The following GABBR2 variants were observed in gnomAD, a reference collection of about 807,000 sequenced individuals.
The protein encoded by GABBR2 is gamma-aminobutyric acid type B receptor subunit 2.
Under a neutral mutation model 105.6 loss-of-function variants are expected in GABBR2, and 23 were observed. That is an observed-to-expected ratio of 0.22 (90% CI 0.16 to 0.31). GABBR2 has a LOEUF of 0.31. GABBR2 is among the 10% of genes least tolerant of loss of function. The pLI, the probability that GABBR2 is intolerant of heterozygous loss-of-function variation, is 1.00. For synonymous variants in GABBR2, 478 were observed against 499.7 expected (o/e 0.96, Z 0.58); for missense variants, 734 against 1,245.5 (o/e 0.59, Z 6.18).
chr9:98,335,664 TCAACAACAACAA>T (rs3837262), intron 13 of GABBR2, among the ~76,000 whole-genome samples: 17 of 151,448 alleles, frequency 1.1e-4, no homozygotes, highest in Non-Finnish European at 2.2e-4. Context: ...TTGAAATCAT[TCAACAACAACAA>T]CAACAACAAC....
chr9:98,667,765 C>T (rs1285552257), intron 1 of GABBR2, among the ~76,000 whole-genome samples: 1 of 152,166 alleles, frequency 6.6e-6, no homozygotes, highest in Non-Finnish European at 1.5e-5. Context: ...GCCAGTTTCC[C>T]GAGAAATCTG....
At chr9:98,685,617 C>A (rs1229570116) in intron 1 of GABBR2, among the ~76,000 whole-genome samples, 2 of 152,208 alleles carry the variant, frequency 1.3e-5, no homozygotes, top group Non-Finnish European at 2.9e-5. Flanking sequence ...ATGGGCAGGT[C>A]TTCTGTTTCT....
chr9:98,422,757 C>T (rs1462706580), intron 7 of GABBR2, among the ~76,000 whole-genome samples: 2 of 134,628 alleles, frequency 1.5e-5, no homozygotes, highest in Non-Finnish European at 1.6e-5. Context: ...GCTATCCCTC[C>T]CCCCTCCCCC....
At chr9:98,455,563 G>C (rs373844453) in intron 6 of GABBR2, among the ~76,000 whole-genome samples, 111 of 152,328 alleles carry the variant, frequency 7.3e-4, no homozygotes, top group African/African-American at 2.5e-3. Context: ...TGTGTGTGTG[G>C]TGGAGGGAGG....
intron 1 of GABBR2, among the ~76,000 whole-genome samples, chr9:98,677,542 T>C (rs1830491866): frequency 6.6e-6 from 1 of 152,214 alleles, no homozygotes. Flanking sequence ...CAAAAAACTT[T>C]TGAGAAATGA....
chr9:98,628,777 A>G (rs1829779014), intron 1 of GABBR2, among the ~76,000 whole-genome samples: 1 of 152,082 alleles, frequency 6.6e-6, no homozygotes, highest in Admixed American at 6.5e-5. Context: ...GGTTTGCTAT[A>G]TGATGGAGTG....
Position 98,290,604 on chromosome 9 carries a change from C to A in GABBR2, c.2806G>T (p.Val936Phe). The part of the protein sequence containing the change: ...RHRHVPPSFR[V>F]MVSGL ...CACCCTTACAGGCCCGAGACCATGA[C>A]TCGGAAGGAGGGTGGCACATGTCTG... Residue 936 changes from valine (V) to phenylalanine (F), a missense_variant, in exon 19 of 19, where the codon GTC becomes TTC. This residue lies in a region of GABBR2 where 134 missense variants were observed against 171.2 expected (regional missense o/e 0.78). Coordinates refer to ENST00000259455, the MANE Select transcript of GABBR2 (RefSeq NM_005458.8). 1 of 1,411,512 alleles carries A rather than the reference C, an allele frequency of 7.1e-7. No individual in the cohort carries two copies. The highest frequency in any genetic ancestry group is 9.2e-7 in the Non-Finnish European group (1 of 1,082,912). 87.4% of individuals were successfully genotyped at this position (1,411,512 alleles called of 1,614,324 possible). A position where few individuals can be genotyped will look rare whatever the true frequency, so the allele number is the denominator to read the frequency against.
At chr9:98,465,461 T>C (rs918497944) in intron 6 of GABBR2, among the ~76,000 whole-genome samples, 1 of 152,228 alleles carries the variant, frequency 6.6e-6, no homozygotes, top group African/African-American at 2.4e-5. Flanking sequence ...TAGGAAAATA[T>C]CTTCATAGCC....
intron 1 of GABBR2, among the ~76,000 whole-genome samples, chr9:98,705,040 C>T (rs1364770176): frequency 6.6e-6 from 1 of 152,080 alleles, no homozygotes; most frequent in Non-Finnish European, 1.5e-5. Flanking sequence ...CCTTGACTGC[C>T]AGGAAGCTCA....
intron 11 of GABBR2, among the ~76,000 whole-genome samples, chr9:98,373,362 T>C (rs1380470374): frequency 1.3e-5 from 2 of 152,170 alleles, no homozygotes; most frequent in Non-Finnish European, 2.9e-5. Flanking sequence ...AGTGAGGAAC[T>C]CCCTTAACAG....
At chr9:98,364,496 G>T (rs1039226633) in intron 12 of GABBR2, among the ~76,000 whole-genome samples, 3 of 152,138 alleles carry the variant, frequency 2.0e-5, no homozygotes, top group Non-Finnish European at 2.9e-5. Context: ...CCCTGCAAGG[G>T]GCATAGATGG....
chr9:98,693,184 G>A (rs1830706833), intron 1 of GABBR2, among the ~76,000 whole-genome samples: 2 of 152,218 alleles, frequency 1.3e-5, no homozygotes, highest in South Asian at 4.1e-4. Context: ...AGAAGCCTGA[G>A]GTCTCCTCTG....
At chr9:98,394,091 G>A (rs1217144204) in intron 9 of GABBR2, 84 bp downstream of exon 9, 3 of 960,484 alleles carry the variant, frequency 3.1e-6, no homozygotes, top group Non-Finnish European at 5.0e-6. Context: ...CAAGGATGCT[G>A]AGCTTGTCCC....
At chr9:98,656,987 T>C (rs2131849909) in intron 1 of GABBR2, among the ~76,000 whole-genome samples, 1 of 152,360 alleles carries the variant, frequency 6.6e-6, no homozygotes, top group South Asian at 2.1e-4. Flanking sequence ...AACCTTGAAA[T>C]ATGTTTTATT....
intron 2 of GABBR2, among the ~76,000 whole-genome samples, chr9:98,542,706 A>G (rs1178091899): frequency 6.6e-6 from 1 of 152,238 alleles, no homozygotes; most frequent in African/African-American, 2.4e-5. Context: ...GTAGCCAGGA[A>G]TGATTAGAGG....
At chr9:98,515,197 C>T (rs1050133432) in intron 3 of GABBR2, among the ~76,000 whole-genome samples, 1 of 152,182 alleles carries the variant, frequency 6.6e-6, no homozygotes, top group African/African-American at 2.4e-5. Flanking sequence ...GAGACTGCTG[C>T]ATCTCCAAGG....
In GABBR2 at chr9:98,293,816, CT is replaced by C; in HGVS notation, c.2628del (p.Asp877IlefsTer3). The C allele has an allele frequency of 6.2e-7, 1 of 1,603,736 alleles. No individual in the cohort carries two copies. The highest frequency in any genetic ancestry group is 8.5e-7 in the Non-Finnish European group (1 of 1,170,946). On this transcript the variant is annotated frameshift_variant, in exon 18 of 19. Transcript: ENST00000259455. LOFTEE classifies it high-confidence loss of function. Reference protein sequence around the residue: ...WNTTEPSRTCKDPIEDINSPE... With the variant: ...WNTTEPSRTCXDPIEDINSPE... ...GGAGAGTTTATATCTTCTATAGGAT[CT>C]TTGCATGTTCGAGAGGGCTCTGTTG...
rs1267119181 is a variant in GABBR2 at position 98,626,456 on chromosome 9, G to A, written c.322-48384C>T. Among the ~76,000 whole-genome samples, 8 of 152,162 alleles carry A rather than the reference G, an allele frequency of 5.3e-5. No homozygotes were observed. The East Asian group carries it at 1.3e-3, about 26-fold the overall frequency. ...ATTTTTTTAAAAAGGATAAGAAAATGAGTTGGACCTCTTGTTTAGCTAAAG... is the reference window on the plus strand; with the variant it reads ...ATTTTTTTAAAAAGGATAAGAAAATAAGTTGGACCTCTTGTTTAGCTAAAG... On this transcript the variant is annotated intron_variant, in intron 1 of 18. Transcript: ENST00000259455.
At chr9:98,465,381 A>C (rs1006946614) in intron 6 of GABBR2, among the ~76,000 whole-genome samples, 1 of 152,220 alleles carries the variant, frequency 6.6e-6, no homozygotes, top group Non-Finnish European at 1.5e-5. Flanking sequence ...CATCCTATAC[A>C]AAATGTATTT....
Sources: allele counts gnomAD v4.1 joint callset (sites outside exome capture counted in the v4.1 genomes callset), GRCh38; gene constraint gnomAD v4.1.1; regional missense constraint gnomAD v4.1.1; transcripts MANE v1.5; gene names NCBI Gene and HGNC (gene_info 2026-07-23, HGNC 2026-07-21).